Variants in HERC1 observed in about 807,000 individuals in gnomAD.
HERC1 encodes probable E3 ubiquitin-protein ligase HERC1.
In HERC1, 160 loss-of-function variants were observed where a neutral mutation model predicts 554.3. The observed-to-expected ratio is 0.29, with a 90% CI of 0.25 to 0.33. HERC1 has a LOEUF of 0.33. HERC1 is among the 10% of genes least tolerant of loss of function. The probability of loss-of-function intolerance (pLI) is 1.00; values close to 1 mark genes in which losing one functional copy is unlikely to be tolerated. For missense variants in HERC1, 4,919 were observed against 5,918.5 expected, an observed-to-expected ratio of 0.83 and a Z score of 5.54; for synonymous variants, 2,175 against 2,131.7, an observed-to-expected ratio of 1.02 and a Z score of -0.56.
chr15:63,801,232 T>C (rs2076976428), intron 1 of HERC1, among the ~76,000 whole-genome samples: 1 of 152,220 alleles, frequency 6.6e-6, no homozygotes, highest in African/African-American at 2.4e-5. Flanking sequence ...CTGTGAGCCA[T>C]TCTAGCAAAT....
chr15:63,757,194 TAA>T (rs914657052), intron 4 of HERC1, among the ~76,000 whole-genome samples: 1 of 130,846 alleles, frequency 7.6e-6, no homozygotes, highest in Admixed American at 7.7e-5. Context: ...GCTACAAATG[TAA>T]AAAAAAAAGT....
intron 12 of HERC1, among the ~76,000 whole-genome samples, 182 bp from the exon 13 acceptor site, chr15:63,735,031 G>A (rs1227498584): frequency 6.6e-6 from 1 of 152,114 alleles, no homozygotes; most frequent in East Asian, 1.9e-4. Context: ...ACATATTTTC[G>A]ATTTGCCACT....
intron 1 of HERC1, among the ~76,000 whole-genome samples, chr15:63,828,659 TAGTGTTTAGTAGAAGC>T (rs2078024201): frequency 6.6e-6 from 1 of 152,048 alleles, no homozygotes; most frequent in African/African-American, 2.4e-5. Context: ...TTTTATACAG[TAGTGTTTAGTAGAAGC>T]AGTGTTTAGT....
intron 8 of HERC1, among the ~76,000 whole-genome samples, chr15:63,752,156 T>C (rs1388671750): frequency 6.6e-6 from 1 of 152,242 alleles, no homozygotes; most frequent in Non-Finnish European, 1.5e-5. Flanking sequence ...TGAAGATTTT[T>C]AGAACACAAG....
chr15:63,775,197 C>T lies in HERC1; in HGVS notation c.427G>A (p.Val143Ile), dbSNP rs1454318937. 2 of 1,614,016 alleles carry T rather than the reference C, an allele frequency of 1.2e-6. No homozygotes were observed. Among genetic ancestry groups the T allele is most frequent in the Non-Finnish European group, 1.7e-6 (2 of 1,179,894 alleles). The part of the protein sequence containing the change: ...SPESSSGSAD[V>I]HSVSERPRSS... ...CGGGGGCGTTCACTAACAGAATGGA[C>T]ATCTGCTGAACCAGAACTGCTCTCC... Residue 143 changes from valine (V) to isoleucine (I), a missense_variant, in exon 2 of 78, where the codon GTC becomes ATC. This residue lies in a region of HERC1 where 744 missense variants were observed against 1,090.0 expected (regional missense o/e 0.68). Coordinates refer to ENST00000443617, the MANE Select transcript of HERC1 (RefSeq NM_003922.4). This position sits in a 1 kb window ranked among gnomAD's most constrained non-coding sequence, Gnocchi z 4.0.
In HERC1 at chr15:63,746,942, T is replaced by C. The variant is rs190240303; in HGVS notation, c.2496A>G (p.Ser832=). 37 of 1,552,670 alleles carry C rather than the reference T, an allele frequency of 2.4e-5. No individual in the cohort carries two copies. Among genetic ancestry groups the C allele is most frequent in the Non-Finnish European group, 3.2e-5 (37 of 1,147,490 alleles). ...LRNLLFRLMD[S]TVPDEIQEVV... ...CCTCTTGGATTTCATCTGGGACAGT[T>C]GAGTCCATCAGTCTGAAGAGCAAAT... The change falls in exon 12 of 78, where the codon TCA becomes TCG. Residue 832 remains serine (S), a synonymous_variant. Transcript: ENST00000443617.
chr15:63,758,697 A>T lies in HERC1; in HGVS notation c.1027-328T>A, dbSNP rs947017771. Among the ~76,000 whole-genome samples, 1 of 152,178 alleles carries T rather than the reference A, an allele frequency of 6.6e-6. No individual in the cohort carries two copies. Among genetic ancestry groups the T allele is most frequent in the African/African-American group, 2.4e-5 (1 of 41,426 alleles). Reference sequence around the variant, plus strand: ...ATAATCTTAACATCTTAATACAATAAATTTTACCTTTTAAATATATGTCCT... The same window carrying T: ...ATAATCTTAACATCTTAATACAATATATTTTACCTTTTAAATATATGTCCT... On this transcript the variant is annotated intron_variant, in intron 3 of 77. Coordinates refer to ENST00000443617, the MANE Select transcript of HERC1 (RefSeq NM_003922.4). This position sits in a 1 kb window ranked among gnomAD's most constrained non-coding sequence, Gnocchi z 4.0.
At chr15:63,735,277 G>C (rs555088747) in intron 12 of HERC1, among the ~76,000 whole-genome samples, 1 of 151,674 alleles carries the variant, frequency 6.6e-6, no homozygotes, top group African/African-American at 2.4e-5. Context: ...CACAAACAGG[G>C]CAATTAACAT....
chr15:63,726,995 T>C (rs1255801117), intron 17 of HERC1, among the ~76,000 whole-genome samples: 2 of 152,086 alleles, frequency 1.3e-5, no homozygotes, highest in Non-Finnish European at 2.9e-5. Flanking sequence ...AAGAATAAAC[T>C]GGCCAGGGGC....
At position 63,608,922 on chromosome 15, in the gene HERC1, A is replaced by C. The variant is rs2067476299; in HGVS notation, c.*159T>G. 1.8e-6 allele frequency: 1 copy of C among 548,904 alleles called. No homozygotes were observed. Among genetic ancestry groups the C allele is most frequent in the Non-Finnish European group, 2.9e-6 (1 of 346,258 alleles). The allele number at this position is 548,904 out of a possible 1,614,324, so 34.0% of individuals were successfully genotyped here. On this transcript the variant is annotated 3_prime_UTR_variant, in exon 78 of 78. Coordinates refer to ENST00000443617, the MANE Select transcript of HERC1 (RefSeq NM_003922.4). ...AATCACAGAAAAATAAAAACATCTA[A>C]TTTCTTTGTTACATTTAGAGTAACT...
chr15:63,790,388 C>T (rs2076606905), intron 1 of HERC1, among the ~76,000 whole-genome samples: 1 of 152,060 alleles, frequency 6.6e-6, no homozygotes, highest in Non-Finnish European at 1.5e-5. Context: ...ACCAACCTGG[C>T]TAACACAGTG....
At chr15:63,826,564 T>C (rs751452621) in intron 1 of HERC1, among the ~76,000 whole-genome samples, 1 of 151,890 alleles carries the variant, frequency 6.6e-6, no homozygotes, top group Non-Finnish European at 1.5e-5. Flanking sequence ...TGAATCAATG[T>C]AGCACTTCCA....
At chr15:63,713,792 A>T in intron 22 of HERC1, 127 bp from the exon 23 acceptor site, 2 of 695,636 alleles carry the variant, frequency 2.9e-6, no homozygotes, top group Non-Finnish European at 2.4e-6. Context: ...TATTTTTTAG[A>T]CATTATATAC....
At chr15:63,743,249 C>CT (rs1260773975) in intron 12 of HERC1, among the ~76,000 whole-genome samples, 4 of 125,418 alleles carry the variant, frequency 3.2e-5, no homozygotes, top group Non-Finnish European at 6.7e-5. Flanking sequence ...CTTTTTTTTT[C>CT]TTTTTTTCTT....
At chr15:63,711,819 G>A (rs958712348) in intron 24 of HERC1, among the ~76,000 whole-genome samples, 1 of 152,156 alleles carries the variant, frequency 6.6e-6, no homozygotes. Context: ...TACACAACAG[G>A]CACTACCATC....
Position 63,705,327 on chromosome 15 carries a change from T to C in HERC1, c.4636+1453A>G, listed in dbSNP as rs76276065. ...TGCATCCACGCCTAGCTTTTTTTTT[T>C]CTTTTTGGCAGAGACAGGGGTCTCA... is the stretch of plus-strand genomic sequence containing the variant. On this transcript the variant is annotated intron_variant, in intron 25 of 77. Transcript: ENST00000443617. Among the ~76,000 whole-genome samples, 94 of 151,912 alleles carry C rather than the reference T, an allele frequency of 6.2e-4. 1 individual carries two copies. In the East Asian group the frequency reaches 0.016, roughly 25 times the overall value.
In HERC1 at chr15:63,612,560, C is replaced by T. The variant is rs1416587002; in HGVS notation, c.14095-4G>A. The T allele has an allele frequency of 5.0e-6, 8 of 1,610,840 alleles. No individual in the cohort carries two copies. Among genetic ancestry groups the T allele is most frequent in the African/African-American group, 1.3e-5 (1 of 74,912 alleles). On this transcript the variant is annotated splice_polypyrimidine_tract_variant and splice_region_variant and intron_variant, in intron 76 of 77. Coordinates refer to ENST00000443617, the MANE Select transcript of HERC1 (RefSeq NM_003922.4). This position sits in a 1 kb window ranked among gnomAD's most constrained non-coding sequence, Gnocchi z 5.0. ...TCCCTTCTCGGACTGCAGCCACCTG[C>T]TCCCGGGAGAGGTTGCTCATTCAAT...
intron 25 of HERC1, among the ~76,000 whole-genome samples, chr15:63,701,899 G>A (rs896008818): frequency 5.3e-5 from 8 of 151,812 alleles, no homozygotes; most frequent in Non-Finnish European, 1.2e-4. Flanking sequence ...TCTGAAAAGG[G>A]CATTAAAAGC....
intron 38 of HERC1, among the ~76,000 whole-genome samples, chr15:63,673,151 A>G (rs2071020244): frequency 6.6e-6 from 1 of 152,214 alleles, no homozygotes. Context: ...TTCACAATTT[A>G]AAAAGGACAA....
Sources: allele counts gnomAD v4.1 joint callset (sites outside exome capture counted in the v4.1 genomes callset), GRCh38; gene constraint gnomAD v4.1.1; regional missense constraint gnomAD v4.1.1; non-coding constraint Gnocchi (gnomAD v3.1); transcripts MANE v1.5; gene names NCBI Gene and HGNC (gene_info 2026-07-23, HGNC 2026-07-21).